The following DIP2B variants were observed in gnomAD, a reference collection of about 807,000 sequenced individuals.
The protein encoded by DIP2B is disco-interacting protein 2 homolog B.
DIP2B carries 76 observed loss-of-function variants against 198.0 expected under a neutral mutation model. That is an observed-to-expected ratio of 0.38 (90% CI 0.32 to 0.46). The LOEUF is 0.46. DIP2B is among the 20% of genes least tolerant of loss of function. DIP2B has a pLI of 0.99. For missense variants in DIP2B, 1,559 were observed against 1,978.4 expected, an observed-to-expected ratio of 0.79 and a Z score of 4.02; for synonymous variants, 701 against 739.1, an observed-to-expected ratio of 0.95 and a Z score of 0.84.
In DIP2B at chr12:50,639,409, C is replaced by T. The variant is rs537839100; in HGVS notation, c.173-1315C>T. ...GGGCAGGTGGATGGCTGGGCTCAGCCGGAACTATTGACTAGAGCCTCAACA... is the reference window on the plus strand; with the variant it reads ...GGGCAGGTGGATGGCTGGGCTCAGCTGGAACTATTGACTAGAGCCTCAACA... On this transcript the variant is annotated intron_variant, in intron 2 of 37. Coordinates refer to ENST00000301180, the MANE Select transcript of DIP2B (RefSeq NM_173602.3). Among the ~76,000 whole-genome samples the T allele has an allele frequency of 1.2e-4, 19 of 152,100 alleles. No homozygotes were observed. In the East Asian group the frequency reaches 3.5e-3, roughly 28 times the overall value.
intron 1 of DIP2B, among the ~76,000 whole-genome samples, chr12:50,592,170 C>T (rs575191914): frequency 2.0e-5 from 3 of 151,970 alleles, no homozygotes; most frequent in Non-Finnish European, 4.4e-5. Flanking sequence ...TGAGCCACTG[C>T]GCCCAGCCGA....
intron 4 of DIP2B, among the ~76,000 whole-genome samples, chr12:50,663,510 C>T (rs1020140655): frequency 2.5e-4 from 38 of 151,780 alleles, no homozygotes; most frequent in Admixed American, 1.4e-3. Context: ...GAGCCGAGAC[C>T]GCGCCACTGC....
At chr12:50,631,640 C>T (rs1441630864) in intron 2 of DIP2B, among the ~76,000 whole-genome samples, 1 of 152,038 alleles carries the variant, frequency 6.6e-6, no homozygotes, top group African/African-American at 2.4e-5. Flanking sequence ...ACCATATTGC[C>T]CAGGTTGGTC....
rs2139420071 is a variant in DIP2B at position 50,581,707 on chromosome 12, G to T, written c.101-44269G>T. ...CGTGCCCAAGACAGTGGAGTCACCG[G>T]GCAGCACAAGGGATATCCACTCAAC... is the stretch of plus-strand genomic sequence containing the variant. On this transcript the variant is annotated intron_variant, in intron 1 of 37. Coordinates refer to ENST00000301180, the MANE Select transcript of DIP2B (RefSeq NM_173602.3). 1.5e-5 allele frequency among the ~76,000 whole-genome samples: 2 copies of T among 134,120 alleles called. 1 individual carries two copies. The highest frequency in any genetic ancestry group is 9.4e-4 in the East Asian group (2 of 2,138). The allele number at this position is 134,120 out of a possible 152,430, so 88.0% of individuals were successfully genotyped here.
chr12:50,562,685 T>C (rs1958529654), intron 1 of DIP2B, among the ~76,000 whole-genome samples: 1 of 150,814 alleles, frequency 6.6e-6, no homozygotes, highest in Non-Finnish European at 1.5e-5. Context: ...TGCAGTGAGC[T>C]GAGATCATGC....
intron 1 of DIP2B, among the ~76,000 whole-genome samples, chr12:50,590,607 A>G (rs1565835828): frequency 6.6e-6 from 1 of 152,052 alleles, no homozygotes; most frequent in Non-Finnish European, 1.5e-5. Context: ...TGACCTTGTG[A>G]TCTACCCACC....
At chr12:50,536,311 C>T (rs1373080672) in intron 1 of DIP2B, among the ~76,000 whole-genome samples, 1 of 68,466 alleles carries the variant, frequency 1.5e-5, no homozygotes, top group Non-Finnish European at 3.3e-5. Context: ...ATACATACGC[C>T]AGGCTGCATG....
chr12:50,514,044 A>G (rs1958042055), intron 1 of DIP2B, among the ~76,000 whole-genome samples: 1 of 149,412 alleles, frequency 6.7e-6, no homozygotes, highest in South Asian at 2.1e-4. Context: ...TGCTAAATCT[A>G]AAGCTCTGTC....
At chr12:50,537,265 G>A (rs1396915917) in intron 1 of DIP2B, among the ~76,000 whole-genome samples, 1 of 132,866 alleles carries the variant, frequency 7.5e-6, no homozygotes, top group Non-Finnish European at 1.7e-5. Flanking sequence ...CTGCCAGATT[G>A]CTTTATAATT....
intron 1 of DIP2B, among the ~76,000 whole-genome samples, chr12:50,610,282 G>GT (rs1370021753): frequency 6.6e-6 from 1 of 152,080 alleles, no homozygotes. Context: ...GGTGGGTAGA[G>GT]TTTTTTTGTT....
At chr12:50,511,329 C>G (rs1958014936) in intron 1 of DIP2B, among the ~76,000 whole-genome samples, 2 of 91,134 alleles carry the variant, frequency 2.2e-5, no homozygotes, top group African/African-American at 4.2e-5. Context: ...GGGTCTCACT[C>G]TGTTGCTCAG....
At chr12:50,571,256 C>T (rs1401309567) in intron 1 of DIP2B, among the ~76,000 whole-genome samples, 1 of 150,600 alleles carries the variant, frequency 6.6e-6, no homozygotes. Flanking sequence ...ACTGCAACCT[C>T]CACCTCCTGG....
At chr12:50,571,313 G>A (rs1032516453) in intron 1 of DIP2B, among the ~76,000 whole-genome samples, 5 of 150,050 alleles carry the variant, frequency 3.3e-5, no homozygotes, top group African/African-American at 9.8e-5. Flanking sequence ...CTGGGACTAC[G>A]GGTGTGCGCC....
chr12:50,520,729 T>G (rs1008472847), intron 1 of DIP2B, among the ~76,000 whole-genome samples: 1 of 152,232 alleles, frequency 6.6e-6, no homozygotes, highest in Admixed American at 6.5e-5. Flanking sequence ...TGCATAAATA[T>G]TCTCATCTCC....
chr12:50,696,504 A>G (rs927787256), intron 16 of DIP2B, among the ~76,000 whole-genome samples: 17 of 152,288 alleles, frequency 1.1e-4, no homozygotes, highest in East Asian at 3.9e-4. Context: ...ACCTCTTTCT[A>G]TCATGTAACT....
At chr12:50,552,406 A>G (rs1958434506) in intron 1 of DIP2B, among the ~76,000 whole-genome samples, 2 of 151,902 alleles carry the variant, frequency 1.3e-5, no homozygotes, top group South Asian at 2.1e-4. Context: ...AGCTGGGACT[A>G]TAGGCGCCCG....
At position 50,705,087 on chromosome 12, in the gene DIP2B, A is replaced by G. The variant is rs149787731; in HGVS notation, c.2406+867A>G. Reference sequence around the variant, plus strand: ...AACTTGATGAGCCAGAGGATGGCAGAGATCTAGGTCATGGAGGGGCTTTGC... The same window carrying G: ...AACTTGATGAGCCAGAGGATGGCAGGGATCTAGGTCATGGAGGGGCTTTGC... On this transcript the variant is annotated intron_variant, in intron 20 of 37. Coordinates refer to ENST00000301180, the MANE Select transcript of DIP2B (RefSeq NM_173602.3). Among the ~76,000 whole-genome samples, 370 of 152,340 alleles carry G rather than the reference A, an allele frequency of 2.4e-3. 1 individual carries two copies. Among genetic ancestry groups the G allele is most frequent in the African/African-American group, 8.5e-3 (352 of 41,566 alleles).
chr12:50,662,838 C>T (rs941805432), intron 4 of DIP2B, among the ~76,000 whole-genome samples: 1 of 152,078 alleles, frequency 6.6e-6, no homozygotes, highest in Non-Finnish European at 1.5e-5. Flanking sequence ...AAGCGGGGTA[C>T]GGTGGCTCAT....
At chr12:50,661,573 C>T (rs1592115518) in intron 4 of DIP2B, among the ~76,000 whole-genome samples, 1 of 152,112 alleles carries the variant, frequency 6.6e-6, no homozygotes. Context: ...CACAGGGTAC[C>T]TCTAGCCGGC....
Sources: allele counts gnomAD v4.1 joint callset (sites outside exome capture counted in the v4.1 genomes callset), GRCh38; gene constraint gnomAD v4.1.1; transcripts MANE v1.5; gene names NCBI Gene and HGNC (gene_info 2026-07-23, HGNC 2026-07-21).